The following IQSEC1 variants were observed in gnomAD, a reference collection of about 807,000 sequenced individuals.
IQSEC1 encodes the protein IQ motif and SEC7 domain-containing protein 1.
A neutral mutation model predicts 91.0 loss-of-function variants in IQSEC1; 31 were observed. The observed-to-expected ratio is 0.34, with a 90% CI of 0.26 to 0.46. IQSEC1 has a LOEUF of 0.46. IQSEC1 is among the 20% of genes least tolerant of loss of function. The pLI, the probability that IQSEC1 is intolerant of heterozygous loss-of-function variation, is 1.00. For synonymous variants in IQSEC1, 699 were observed against 662.6 expected, an observed-to-expected ratio of 1.05 and a Z score of -0.84; for missense variants, 1,388 against 1,575.6, an observed-to-expected ratio of 0.88 and a Z score of 2.02.
chr3:13,134,273 T>C (rs1489803312), intron 2 of IQSEC1, among the ~76,000 whole-genome samples: 3 of 152,352 alleles, frequency 2.0e-5, no homozygotes, highest in Admixed American at 1.3e-4. Flanking sequence ...GGCCATGTTC[T>C]CAGCCACCTT....
intron 1 of IQSEC1, among the ~76,000 whole-genome samples, chr3:13,072,486 T>G (rs73813122): frequency 6.6e-6 from 1 of 152,188 alleles, no homozygotes; most frequent in East Asian, 1.9e-4. Context: ...ACAGAACACC[T>G]GGGCACACAG....
chr3:13,249,407 C>T (rs1030793328), intron 1 of IQSEC1, among the ~76,000 whole-genome samples: 2 of 151,902 alleles, frequency 1.3e-5, no homozygotes, highest in Non-Finnish European at 2.9e-5. Context: ...CTCCTGACCT[C>T]GTGATCTACC....
intron 1 of IQSEC1, among the ~76,000 whole-genome samples, chr3:13,055,110 C>A (rs988816890): frequency 6.6e-6 from 1 of 152,228 alleles, no homozygotes; most frequent in African/African-American, 2.4e-5. Context: ...GGCTTGGGGC[C>A]CCACCACTGG....
At chr3:13,197,533 C>T (rs974901685) in intron 1 of IQSEC1, among the ~76,000 whole-genome samples, 1 of 152,224 alleles carries the variant, frequency 6.6e-6, no homozygotes, top group Non-Finnish European at 1.5e-5. Context: ...TCAAATGTCC[C>T]CCACAGGCTG....
At chr3:12,917,525 C>T (rs1696214269) in intron 6 of IQSEC1, among the ~76,000 whole-genome samples, 1 of 152,242 alleles carries the variant, frequency 6.6e-6, no homozygotes, top group South Asian at 2.1e-4. Context: ...GCCTCTTTCA[C>T]TCAGTGCTAC....
chr3:13,090,188 A>G (rs980174098), intron 2 of IQSEC1, among the ~76,000 whole-genome samples: 3 of 151,528 alleles, frequency 2.0e-5, no homozygotes, highest in African/African-American at 7.3e-5. Context: ...ACTGCGCTCC[A>G]GCCTGGGTGA....
chr3:13,036,150 T>C (rs1202921176), intron 1 of IQSEC1, among the ~76,000 whole-genome samples: 1 of 152,200 alleles, frequency 6.6e-6, no homozygotes, highest in Non-Finnish European at 1.5e-5. Flanking sequence ...TTTGGGGTGA[T>C]GTGTTACACC....
intron 1 of IQSEC1, among the ~76,000 whole-genome samples, chr3:12,957,037 C>G (rs1699954019): frequency 6.6e-6 from 1 of 152,190 alleles, no homozygotes; most frequent in Non-Finnish European, 1.5e-5. Context: ...CTGGGCTTGT[C>G]CAGGTCAGAA....
At chr3:13,041,718 G>A (rs1704277312) in intron 1 of IQSEC1, among the ~76,000 whole-genome samples, 1 of 152,182 alleles carries the variant, frequency 6.6e-6, no homozygotes, top group Non-Finnish European at 1.5e-5. Context: ...TGTCACCTCA[G>A]GGAGCAGTCC....
At chr3:13,137,127 C>T (rs1396168142) in intron 2 of IQSEC1, among the ~76,000 whole-genome samples, 6 of 152,132 alleles carry the variant, frequency 3.9e-5, no homozygotes, top group African/African-American at 1.4e-4. Context: ...CAGAGTGAGA[C>T]CCTATCTCAA....
At chr3:13,199,874 CCACACACACACACCA>C (rs1431855966) in intron 1 of IQSEC1, among the ~76,000 whole-genome samples, 136 of 151,328 alleles carry the variant, frequency 9.0e-4, no homozygotes, top group African/African-American at 3.1e-3. Context: ...CACACATATG[CCACACACACACACCA>C]CACACACACA....
At chr3:13,009,666 T>A (rs1432570626) in intron 1 of IQSEC1, among the ~76,000 whole-genome samples, 1 of 117,954 alleles carries the variant, frequency 8.5e-6, no homozygotes, top group African/African-American at 3.4e-5. Context: ...TGTATATATA[T>A]ATGTGTGTGT....
chr3:13,032,381 G>A (rs1703874518), intron 1 of IQSEC1, among the ~76,000 whole-genome samples: 2 of 152,174 alleles, frequency 1.3e-5, no homozygotes, highest in South Asian at 2.1e-4. Context: ...AGTGGACAGC[G>A]CAGGGCGGCA....
intron 2 of IQSEC1, among the ~76,000 whole-genome samples, chr3:13,106,000 TG>T (rs916674671): frequency 4.9e-4 from 74 of 152,342 alleles, no homozygotes; most frequent in African/African-American, 1.6e-3. Flanking sequence ...CCGGCAGCCC[TG>T]GGCTGGTTCC....
intron 1 of IQSEC1, among the ~76,000 whole-genome samples, chr3:13,226,180 A>G (rs918627766): frequency 6.6e-6 from 1 of 152,088 alleles, no homozygotes; most frequent in Non-Finnish European, 1.5e-5. Context: ...CGCCCAGCCA[A>G]TTCATCAAAT....
Position 12,908,574 on chromosome 3 carries a change from TG to T in IQSEC1, c.2579-50del. The T allele has an allele frequency of 6.3e-7, 1 of 1,599,666 alleles. No homozygotes were observed. Among genetic ancestry groups the T allele is most frequent in the Non-Finnish European group, 8.6e-7 (1 of 1,169,314 alleles). ...CTGGTGAGAGGAGCACAGCCTAGAG[TG>T]GGCAGGAGACGGGGCCTTCTGCTTG... is the stretch of plus-strand genomic sequence containing the variant. On this transcript the variant is annotated intron_variant, in intron 11 of 13. Coordinates refer to ENST00000613206, the MANE Select transcript of IQSEC1 (RefSeq NM_001134382.3). The surrounding 1 kb of genome is among the most constrained non-coding windows in gnomAD (Gnocchi z 4.9).
intron 1 of IQSEC1, among the ~76,000 whole-genome samples, chr3:13,196,041 G>T (rs1038843591): frequency 6.6e-6 from 1 of 152,066 alleles, no homozygotes; most frequent in Non-Finnish European, 1.5e-5. Flanking sequence ...TAAGAGTTTC[G>T]GTTTTTTACA....
chr3:13,062,297 G>A (rs1705092919), intron 1 of IQSEC1, among the ~76,000 whole-genome samples: 1 of 152,170 alleles, frequency 6.6e-6, no homozygotes, highest in Non-Finnish European at 1.5e-5. Context: ...AGGGGAGGAA[G>A]GGGACAGGAA....
intron 5 of IQSEC1, among the ~76,000 whole-genome samples, chr3:12,920,998 G>A (rs142061142): frequency 2.6e-5 from 4 of 152,322 alleles, no homozygotes; most frequent in Non-Finnish European, 4.4e-5. Context: ...GGTGAAAGCA[G>A]CCAGGGGCAC....
Sources: allele counts gnomAD v4.1 joint callset (sites outside exome capture counted in the v4.1 genomes callset), GRCh38; gene constraint gnomAD v4.1.1; non-coding constraint Gnocchi (gnomAD v3.1); transcripts MANE v1.5; gene names NCBI Gene and HGNC (gene_info 2026-07-23, HGNC 2026-07-21).